Variants in C2CD3 observed in about 807,000 individuals in gnomAD.
C2CD3 encodes the protein C2 domain containing 3 centriole elongation regulator.
In C2CD3, 148 loss-of-function variants were observed where a neutral mutation model predicts 234.0. The ratio of observed to expected loss-of-function variants is 0.63; its 90% confidence interval spans 0.55 to 0.72. C2CD3 has a LOEUF of 0.72. Among genes scored for constraint, C2CD3 ranks in the 30% least tolerant of loss-of-function variants. The pLI is 0.00. For missense variants in C2CD3, 2,577 were observed against 2,811.5 expected (o/e 0.92, Z 1.89); for synonymous variants, 1,000 against 1,035.4 (o/e 0.97, Z 0.66).
At chr11:74,149,739 T>C (rs1855470627) in intron 3 of C2CD3, among the ~76,000 whole-genome samples, 1 of 152,130 alleles carries the variant, frequency 6.6e-6, no homozygotes, top group Non-Finnish European at 1.5e-5. Flanking sequence ...GTATCTCTTG[T>C]TTGCAATATC....
At chr11:74,134,108 C>G (rs971099145) in intron 5 of C2CD3, among the ~76,000 whole-genome samples, 4 of 152,122 alleles carry the variant, frequency 2.6e-5, no homozygotes, top group Admixed American at 2.0e-4. Context: ...TTACCACATG[C>G]GAGGCACTAT....
Position 74,013,507 on chromosome 11 carries a change from T to C in C2CD3, c.6940A>G (p.Arg2314Gly), listed in dbSNP as rs1300774974. 5.1e-6 allele frequency: 7 copies of C among 1,368,672 alleles called. No individual in the cohort carries two copies. The highest frequency in any genetic ancestry group is 6.6e-6 in the Non-Finnish European group (7 of 1,065,020). 84.8% of individuals were successfully genotyped at this position (1,368,672 alleles called of 1,614,324 possible). Residue 2314 changes from arginine to glycine, a missense_variant, in exon 33 of 33, where the codon AGG (arginine) becomes GGG (glycine). Transcript: ENST00000334126. ...TTDQDKSEAT[R>G]GALSQRPCRP... ...CAAGGCCTTTGGGAGAGAGCTCCCC[T>C]GGTGGCTTCGCTCTTGTCCTGGAGA...
intron 3 of C2CD3, among the ~76,000 whole-genome samples, chr11:74,156,386 C>G (rs912794675): frequency 1.4e-4 from 20 of 145,630 alleles, no homozygotes; most frequent in Non-Finnish European, 2.7e-4. Context: ...TGCTGGAGCC[C>G]AGGAGGTCGA....
At chr11:74,018,724 T>C (rs111505943) in intron 32 of C2CD3, among the ~76,000 whole-genome samples, 6,995 of 152,130 alleles carry the variant, frequency 0.046, 223 homozygotes, top group Admixed American at 0.077. Flanking sequence ...CAGCCACAAG[T>C]AGGAGCAGAG....
intron 25 of C2CD3, among the ~76,000 whole-genome samples, chr11:74,055,404 C>T (rs532847706): frequency 1.3e-5 from 2 of 152,292 alleles, no homozygotes; most frequent in South Asian, 2.1e-4. Flanking sequence ...TTTTAAGTGA[C>T]AAAGTGTTGG....
chr11:74,128,260 A>G (rs1196499027), intron 7 of C2CD3, among the ~76,000 whole-genome samples: 6 of 152,234 alleles, frequency 3.9e-5, no homozygotes, highest in Non-Finnish European at 5.9e-5. Flanking sequence ...ATTAAGTCAT[A>G]TAAGTTATTT....
Position 74,012,830 on chromosome 11 carries a change from A to G in C2CD3, c.*555T>C, listed in dbSNP as rs1951743725. The stretch of plus-strand genomic sequence containing the variant: ...TAGAATTTTAGACAATCAGATAAAA[A>G]GTTTGAAGGAAGTGATTTCCCCTTC... On this transcript the variant is annotated 3_prime_UTR_variant, in exon 33 of 33. Transcript: ENST00000334126. 6.6e-6 allele frequency: 1 copy of G among 152,244 alleles called. No homozygotes were observed. Among genetic ancestry groups the G allele is most frequent in the South Asian group, 2.1e-4 (1 of 4,834 alleles). The allele number at this position is 152,244 out of a possible 1,614,324, so 9.4% of individuals were successfully genotyped here.
At chr11:74,098,899 C>T (rs771169769) in intron 15 of C2CD3, among the ~76,000 whole-genome samples, 5 of 152,182 alleles carry the variant, frequency 3.3e-5, no homozygotes. Flanking sequence ...ATTCATTTAA[C>T]ATTTTTGAGT....
intron 24 of C2CD3, among the ~76,000 whole-genome samples, chr11:74,065,132 C>A (rs539142639): frequency 3.3e-4 from 51 of 152,292 alleles, no homozygotes; most frequent in African/African-American, 1.1e-3. Flanking sequence ...AGGCAACCTA[C>A]AGAATGGGAG....
At chr11:74,054,507 GAAAAAAAAAAAA>G (rs869085401) in intron 26 of C2CD3, 88 bp downstream of exon 26, 31 of 275,620 alleles carry the variant, frequency 1.1e-4, no homozygotes, top group East Asian at 4.1e-4. Flanking sequence ...ACTTGGTTTG[GAAAAAAAAAAAA>G]AAAAAAAAAA....
chr11:74,170,657 G>T, intron 1 of C2CD3, 81 bp downstream of exon 1: 1 of 1,492,532 alleles, frequency 6.7e-7, no homozygotes, highest in Non-Finnish European at 9.3e-7. Context: ...TGTTTATCCA[G>T]CGGGGGTGCG....
rs1439805285 is a variant in C2CD3 at position 74,161,424 on chromosome 11, G to A, written c.458C>T (p.Thr153Met). Residue 153 changes from threonine (T) to methionine (M), a missense_variant, in exon 3 of 33, where the codon ACG becomes ATG. Coordinates refer to ENST00000334126, the MANE Select transcript of C2CD3 (RefSeq NM_001286577.2). ...INGFFTIVSS[T>M]SKKLGELQVS... Reference sequence around the variant, plus strand: ...CTGGAGTTCTCCAAGTTTCTTAGACGTTGATGAAACAATGGTAAAAAATCC... The same window carrying A: ...CTGGAGTTCTCCAAGTTTCTTAGACATTGATGAAACAATGGTAAAAAATCC... 12 of 1,590,448 alleles carry A rather than the reference G, an allele frequency of 7.5e-6. No homozygotes were observed. The highest frequency in any genetic ancestry group is 1.7e-4 in the Middle Eastern group (1 of 6,004).
chr11:74,059,951 C>T (rs1048072946), intron 24 of C2CD3, among the ~76,000 whole-genome samples: 11 of 152,170 alleles, frequency 7.2e-5, no homozygotes, highest in Admixed American at 4.6e-4. Context: ...CCTTAGCAAA[C>T]GGCACACCAG....
intron 22 of C2CD3, among the ~76,000 whole-genome samples, chr11:74,080,264 AC>A (rs1424097591): frequency 1.3e-5 from 2 of 152,154 alleles, no homozygotes; most frequent in African/African-American, 4.8e-5. Flanking sequence ...AGGTTTTATG[AC>A]TTTTGGACAG....
intron 3 of C2CD3, among the ~76,000 whole-genome samples, chr11:74,144,567 C>T (rs1855037561): frequency 1.3e-5 from 2 of 152,050 alleles, no homozygotes; most frequent in South Asian, 4.2e-4. Context: ...AGCACAGTAC[C>T]CGACAGGTTT....
At chr11:74,152,837 A>C (rs1855751348) in intron 3 of C2CD3, among the ~76,000 whole-genome samples, 1 of 152,222 alleles carries the variant, frequency 6.6e-6, no homozygotes. Flanking sequence ...CCCATGATAA[A>C]ATCTCTCAGA....
At chr11:74,134,993 T>C (rs1420661141) in intron 5 of C2CD3, among the ~76,000 whole-genome samples, 1 of 152,054 alleles carries the variant, frequency 6.6e-6, no homozygotes, top group South Asian at 2.1e-4. Flanking sequence ...CCAAAGTCCA[T>C]AAACATCAAA....
intron 5 of C2CD3, chr11:74,133,764 G>A: frequency 3.6e-6 from 2 of 560,082 alleles, no homozygotes; most frequent in Non-Finnish European, 6.3e-6. Flanking sequence ...TGTTTTAGAT[G>A]CTGGCATTGT....
At chr11:74,103,052 T>C in intron 14 of C2CD3, 79 bp downstream of exon 14, 1 of 1,387,616 alleles carries the variant, frequency 7.2e-7, no homozygotes, top group Non-Finnish European at 9.9e-7. Context: ...ATTCTAGATT[T>C]AAGACGAAAT....
Sources: gnomAD v4.1 joint callset for allele counts (sites outside exome capture counted in the v4.1 genomes callset) on GRCh38, gnomAD v4.1.1 for gene constraint, MANE v1.5 for transcripts, NCBI Gene and HGNC (gene_info 2026-07-23, HGNC 2026-07-21) for gene names.